Variants in TAFA1 observed in about 807,000 individuals in gnomAD.
The protein encoded by TAFA1 is chemokine-like protein TAFA-1.
In TAFA1, 4 loss-of-function variants were observed where a neutral mutation model predicts 18.5. That is an observed-to-expected ratio of 0.22 (90% CI 0.11 to 0.49). The LOEUF (loss-of-function observed/expected upper bound fraction) is 0.49. TAFA1 is among the 20% of genes least tolerant of loss of function. TAFA1 has a pLI of 0.98. For synonymous variants in TAFA1, 56 were observed against 55.2 expected, an observed-to-expected ratio of 1.01 and a Z score of -0.06; for missense variants, 147 against 169.0, an observed-to-expected ratio of 0.87 and a Z score of 0.72.
At chr3:68,520,667 A>C (rs530421663) in intron 3 of TAFA1, among the ~76,000 whole-genome samples, 1 of 152,358 alleles carries the variant, frequency 6.6e-6, no homozygotes, top group African/African-American at 2.4e-5. Context: ...TAATTTACAT[A>C]GATCTATGCC....
intron 2 of TAFA1, among the ~76,000 whole-genome samples, chr3:68,074,163 T>A (rs1488524708): frequency 6.6e-6 from 1 of 152,156 alleles, no homozygotes; most frequent in African/African-American, 2.4e-5. Flanking sequence ...CAGTTCACAA[T>A]AGAGTTCTTG....
chr3:68,185,929 A>G (rs2066265286), intron 2 of TAFA1, among the ~76,000 whole-genome samples: 1 of 149,056 alleles, frequency 6.7e-6, no homozygotes, highest in African/African-American at 2.6e-5. Context: ...AAATAAATAA[A>G]TAAATAGGAA....
chr3:68,092,786 A>G (rs564316242), intron 2 of TAFA1, among the ~76,000 whole-genome samples: 17 of 152,282 alleles, frequency 1.1e-4, no homozygotes, highest in African/African-American at 4.1e-4. Flanking sequence ...GTACCAAAAT[A>G]AAATCAGCAG....
intron 2 of TAFA1, among the ~76,000 whole-genome samples, chr3:68,385,477 T>A (rs188179683): frequency 2.3e-4 from 35 of 152,202 alleles, no homozygotes; most frequent in Admixed American, 3.9e-4. Context: ...AGCTGTGGGA[T>A]TTTGAGACGG....
intron 3 of TAFA1, among the ~76,000 whole-genome samples, chr3:68,428,026 T>G (rs2071091861): frequency 6.6e-6 from 1 of 151,942 alleles, no homozygotes. Context: ...TCTTGGGTAT[T>G]TCTTTATAGG....
chr3:68,544,523 A>C lies in TAFA1; in HGVS notation c.*20A>C. ...ACCTAACAGAAGCATTTGTGGTAGT[A>C]AAGGAAAACCAACCCTCTGGAAAAT... On this transcript the variant is annotated 3_prime_UTR_variant, in exon 5 of 5. Coordinates refer to ENST00000478136, the MANE Select transcript of TAFA1 (RefSeq NM_213609.4). The C allele has an allele frequency of 6.2e-7, 1 of 1,611,712 alleles. No individual in the cohort carries two copies. Among genetic ancestry groups the C allele is most frequent in the South Asian group, 1.1e-5 (1 of 90,958 alleles).
chr3:68,050,569 G>A (rs908772928), intron 2 of TAFA1, among the ~76,000 whole-genome samples: 1 of 152,122 alleles, frequency 6.6e-6, no homozygotes, highest in East Asian at 1.9e-4. Context: ...CATATAGTAA[G>A]CCCTACCTTT....
At chr3:68,224,964 A>G (rs1481006058) in intron 2 of TAFA1, among the ~76,000 whole-genome samples, 2 of 121,968 alleles carry the variant, frequency 1.6e-5, no homozygotes, top group African/African-American at 6.4e-5. Context: ...GCTGGAGTAC[A>G]GTGGTGGGAT....
In TAFA1 at chr3:68,428,237, G is replaced by A. The variant is rs550419543; in HGVS notation, c.259+10817G>A. 2.0e-5 allele frequency among the ~76,000 whole-genome samples: 3 copies of A among 151,940 alleles called. No homozygotes were observed. In the South Asian group the frequency reaches 6.2e-4, roughly 32 times the overall value. Reference sequence around the variant, plus strand: ...AGGAATGTGGCCTACTAGAGTAAAGGCCATCTGTGACTAGTACCAGAGAGA... The same window carrying A: ...AGGAATGTGGCCTACTAGAGTAAAGACCATCTGTGACTAGTACCAGAGAGA... On this transcript the variant is annotated intron_variant, in intron 3 of 4. Transcript: ENST00000478136.
chr3:68,329,216 CT>C (rs10681423), intron 2 of TAFA1, among the ~76,000 whole-genome samples: 1,051 of 88,982 alleles, frequency 0.012, 4 homozygotes, highest in East Asian at 0.04. Context: ...GCCTGGCTGC[CT>C]TTTTTTTTTT....
chr3:68,201,444 C>T (rs1490427136), intron 2 of TAFA1, among the ~76,000 whole-genome samples: 1 of 151,532 alleles, frequency 6.6e-6, no homozygotes, highest in Non-Finnish European at 1.5e-5. Flanking sequence ...TGATTTTCTG[C>T]CTGCTGGATC....
At chr3:68,246,463 G>T (rs9824986) in intron 2 of TAFA1, among the ~76,000 whole-genome samples, 1 of 151,406 alleles carries the variant, frequency 6.6e-6, no homozygotes, top group Admixed American at 6.6e-5. Context: ...GGTGGCGGGC[G>T]CCTGTAGTCC....
chr3:68,031,158 T>C (rs1480092243), intron 2 of TAFA1, among the ~76,000 whole-genome samples: 1 of 152,180 alleles, frequency 6.6e-6, no homozygotes, highest in Non-Finnish European at 1.5e-5. Context: ...ACAAAAATCC[T>C]TATGGAAGAG....
intron 2 of TAFA1, among the ~76,000 whole-genome samples, chr3:68,234,758 C>A (rs1401160037): frequency 6.6e-6 from 1 of 152,160 alleles, no homozygotes; most frequent in Non-Finnish European, 1.5e-5. Flanking sequence ...AACAAAAAAA[C>A]CAATGTCATT....
intron 3 of TAFA1, among the ~76,000 whole-genome samples, chr3:68,477,928 A>G (rs1458579455): frequency 6.6e-6 from 1 of 152,210 alleles, no homozygotes. Flanking sequence ...AGAGGCATGG[A>G]TCATCAGTAA....
At chr3:68,035,291 C>G (rs963882386) in intron 2 of TAFA1, among the ~76,000 whole-genome samples, 1 of 152,150 alleles carries the variant, frequency 6.6e-6, no homozygotes, top group African/African-American at 2.4e-5. Context: ...CAGCACAAAC[C>G]TATTTTGCTA....
At chr3:68,217,376 T>C (rs1293725028) in intron 2 of TAFA1, among the ~76,000 whole-genome samples, 1 of 151,962 alleles carries the variant, frequency 6.6e-6, no homozygotes, top group Non-Finnish European at 1.5e-5. Flanking sequence ...TTCTATAAGT[T>C]ATCTGACCAG....
At chr3:68,059,412 A>C (rs578153850) in intron 2 of TAFA1, among the ~76,000 whole-genome samples, 2 of 152,316 alleles carry the variant, frequency 1.3e-5, no homozygotes, top group South Asian at 4.1e-4. Flanking sequence ...TCAAGGTCAC[A>C]GAGTTAGTAA....
intron 2 of TAFA1, among the ~76,000 whole-genome samples, chr3:68,168,401 A>T (rs193294685): frequency 1.3e-5 from 2 of 152,232 alleles, no homozygotes; most frequent in Non-Finnish European, 2.9e-5. Context: ...CCACACGTTA[A>T]TTCTCCCTTG....
Sources: gnomAD v4.1 joint callset for allele counts (sites outside exome capture counted in the v4.1 genomes callset) on GRCh38, gnomAD v4.1.1 for gene constraint, MANE v1.5 for transcripts, NCBI Gene and HGNC (gene_info 2026-07-23, HGNC 2026-07-21) for gene names.